The following KCNH7 variants were observed in gnomAD, a reference collection of about 807,000 sequenced individuals.
KCNH7 encodes potassium voltage-gated channel subfamily H member 7.
A neutral mutation model predicts 120.8 loss-of-function variants in KCNH7; 49 were observed. That is an observed-to-expected ratio of 0.41 (90% CI 0.32 to 0.51). KCNH7 has a LOEUF of 0.51. Ranked by LOEUF, KCNH7 falls within the 20% of genes least tolerant of loss-of-function variation. The pLI, the probability that KCNH7 is intolerant of heterozygous loss-of-function variation, is 0.38. For synonymous variants in KCNH7, 547 were observed against 516.1 expected, an observed-to-expected ratio of 1.06 and a Z score of -0.81; for missense variants, 1,097 against 1,446.6, an observed-to-expected ratio of 0.76 and a Z score of 3.92.
chr2:162,485,575 G>T (rs1194900318), intron 6 of KCNH7, among the ~76,000 whole-genome samples: 1 of 152,166 alleles, frequency 6.6e-6, no homozygotes, highest in Admixed American at 6.5e-5. Flanking sequence ...GGAAATATAG[G>T]AAGGGAAGAG....
intron 2 of KCNH7, among the ~76,000 whole-genome samples, chr2:162,724,455 G>A (rs34247652): frequency 0.02 from 2,979 of 151,136 alleles, 52 homozygotes; most frequent in East Asian, 0.1. Flanking sequence ...GGCGGATCAC[G>A]AGGTCAGGAG....
intron 2 of KCNH7, chr2:162,772,061 T>A (rs1002875364): frequency 2.0e-5 from 3 of 152,182 alleles, no homozygotes; most frequent in African/African-American, 7.2e-5. Context: ...CCATAGTTGA[T>A]CTGTTGAATT....
chr2:162,658,239 C>T (rs10164652), intron 2 of KCNH7, among the ~76,000 whole-genome samples: 33,088 of 151,176 alleles, frequency 0.22, 5,560 homozygotes, highest in African/African-American at 0.47. Context: ...CATCATTTGT[C>T]AAAAAGACAA....
chr2:162,379,911 C>T lies in KCNH7; in HGVS notation c.3073G>A (p.Asp1025Asn), dbSNP rs1033021295. The T allele has an allele frequency of 3.7e-6, 6 of 1,613,876 alleles. No homozygotes were observed. The highest frequency in any genetic ancestry group is 5.1e-6 in the Non-Finnish European group (6 of 1,179,956). ...AAWGISETES[D>N]LTYGEVEQRL... ...TGTTCCACTTCCCCGTAGGTGAGGT[C>T]GCTTTCGGTTTCAGAGATACCCCAG... The change falls in exon 14 of 16, where the codon GAC (aspartate) becomes AAC (asparagine). Residue 1025 changes from aspartate to asparagine, a missense_variant. Around this residue, in one of 8 missense-constraint regions of KCNH7, gnomAD observed 406 missense variants for 410.5 expected, o/e 0.99. Transcript: ENST00000332142.
chr2:162,727,577 TACTG>T (rs1422883215), intron 2 of KCNH7, among the ~76,000 whole-genome samples: 1 of 152,208 alleles, frequency 6.6e-6, no homozygotes, highest in Non-Finnish European at 1.5e-5. Context: ...CATAGAATAC[TACTG>T]ACTATTATTT....
intron 2 of KCNH7, among the ~76,000 whole-genome samples, chr2:162,793,854 G>T (rs1164499488): frequency 6.6e-6 from 1 of 151,818 alleles, no homozygotes; most frequent in Non-Finnish European, 1.5e-5. Flanking sequence ...TGCCTTACAT[G>T]TAAATATAAT....
chr2:162,376,364 G>GTTTTTTTTTTTTTTTTTTTTT (rs374453027), intron 14 of KCNH7, among the ~76,000 whole-genome samples: 1 of 145,968 alleles, frequency 6.9e-6, no homozygotes, highest in Admixed American at 6.8e-5. Context: ...TCAAAGTGTG[G>GTTTTTTTTTTTTTTTTTTTTT]TTTGTTTTTT....
chr2:162,662,830 G>A (rs1433641115), intron 2 of KCNH7, among the ~76,000 whole-genome samples: 1 of 152,150 alleles, frequency 6.6e-6, no homozygotes, highest in Non-Finnish European at 1.5e-5. Flanking sequence ...TTTAATAAAT[G>A]CCTGGCAATT....
chr2:162,481,919 A>T (rs112013146), intron 6 of KCNH7, among the ~76,000 whole-genome samples: 1 of 152,202 alleles, frequency 6.6e-6, no homozygotes, highest in African/African-American at 2.4e-5. Flanking sequence ...AATGAAATAA[A>T]CTCATTATAC....
At chr2:162,820,582 G>A (rs2105591261) in intron 2 of KCNH7, among the ~76,000 whole-genome samples, 1 of 152,232 alleles carries the variant, frequency 6.6e-6, no homozygotes, top group East Asian at 1.9e-4. Context: ...GCAAGGGAAG[G>A]GAAGGGAGAA....
At chr2:162,458,640 G>T (rs1229332637) in intron 6 of KCNH7, among the ~76,000 whole-genome samples, 1 of 152,106 alleles carries the variant, frequency 6.6e-6, no homozygotes, top group Non-Finnish European at 1.5e-5. Context: ...GGAACACTTA[G>T]CATACTAGCT....
At chr2:162,767,191 T>C (rs536698303) in intron 2 of KCNH7, among the ~76,000 whole-genome samples, 3 of 152,264 alleles carry the variant, frequency 2.0e-5, no homozygotes, top group African/African-American at 2.4e-5. Flanking sequence ...TACATACTCT[T>C]GTCATTCCTA....
intron 2 of KCNH7, among the ~76,000 whole-genome samples, chr2:162,621,202 GA>G (rs1322252052): frequency 2.1e-5 from 2 of 96,816 alleles, no homozygotes; most frequent in African/African-American, 8.6e-5. Context: ...TTTATTTTGT[GA>G]TTTTTTTTTG....
At chr2:162,741,347 ATAT>A (rs1688130649) in intron 2 of KCNH7, among the ~76,000 whole-genome samples, 2 of 150,768 alleles carry the variant, frequency 1.3e-5, no homozygotes, top group South Asian at 2.1e-4. Context: ...TTAATTATAC[ATAT>A]TAATAACATG....
chr2:162,746,768 A>T (rs1045389460), intron 2 of KCNH7, among the ~76,000 whole-genome samples: 9 of 152,172 alleles, frequency 5.9e-5, no homozygotes, highest in African/African-American at 2.2e-4. Flanking sequence ...AAGAAAACTT[A>T]TGGATAGTAT....
At chr2:162,835,360 T>C (rs1685623894) in intron 2 of KCNH7, among the ~76,000 whole-genome samples, 1 of 152,064 alleles carries the variant, frequency 6.6e-6, no homozygotes, top group South Asian at 2.1e-4. Flanking sequence ...GAAACCTTTT[T>C]CCTGCTGTCT....
intron 2 of KCNH7, among the ~76,000 whole-genome samples, chr2:162,545,390 G>T (rs1004769968): frequency 6.6e-6 from 1 of 152,126 alleles, no homozygotes; most frequent in Non-Finnish European, 1.5e-5. Flanking sequence ...GTTGTGTCCT[G>T]CTCCCTCCCT....
At chr2:162,472,669 C>A (rs1487818887) in intron 6 of KCNH7, among the ~76,000 whole-genome samples, 2 of 152,200 alleles carry the variant, frequency 1.3e-5, no homozygotes, top group African/African-American at 4.8e-5. Context: ...ACCATTGTGG[C>A]AGTCGGTGTG....
At chr2:162,816,212 G>A (rs1656088) in intron 2 of KCNH7, among the ~76,000 whole-genome samples, 82,796 of 142,898 alleles carry the variant, frequency 0.58, 25,115 homozygotes, top group South Asian at 0.83. Context: ...AGCCGAGATC[G>A]TGCCATTGCA....
Sources: allele counts gnomAD v4.1 joint callset (sites outside exome capture counted in the v4.1 genomes callset), GRCh38; gene constraint gnomAD v4.1.1; regional missense constraint gnomAD v4.1.1; transcripts MANE v1.5; gene names NCBI Gene and HGNC (gene_info 2026-07-23, HGNC 2026-07-21).